GPC5: variants seen among roughly 807,000 people sequenced by gnomAD.
GPC5 encodes the protein glypican 5.
GPC5 carries 47 observed loss-of-function variants against 53.9 expected under a neutral mutation model. The ratio of observed to expected loss-of-function variants is 0.87; its 90% CI spans 0.69 to 1.11. The LOEUF is 1.11. Among genes scored for constraint, GPC5 ranks in the 50% most tolerant of loss-of-function variants. The probability of loss-of-function intolerance (pLI) is 0.00; values close to 1 mark genes in which losing one functional copy is unlikely to be tolerated. For synonymous variants in GPC5, 286 were observed against 263.3 expected (o/e 1.09, Z -0.84); for missense variants, 748 against 713.1 (o/e 1.05, Z -0.56).
At chr13:92,059,240 GCAGCACA>G in intron 6 of GPC5, among the ~76,000 whole-genome samples, 18 of 151,468 alleles carry the variant, frequency 1.2e-4, no homozygotes, top group African/African-American at 4.2e-4. Context: ...TCTCAACAAT[GCAGCACA>G]CATCTGGAGG....
intron 7 of GPC5, among the ~76,000 whole-genome samples, chr13:92,766,247 T>G (rs1327320376): frequency 6.6e-6 from 1 of 152,136 alleles, no homozygotes; most frequent in East Asian, 1.9e-4. Flanking sequence ...GAACTCAAAT[T>G]GCAAAATCCT....
At chr13:92,218,517 G>A (rs1253328865) in intron 7 of GPC5, among the ~76,000 whole-genome samples, 6 of 152,080 alleles carry the variant, frequency 3.9e-5, no homozygotes, top group Non-Finnish European at 8.8e-5. Context: ...TCAGAAATGT[G>A]CTCCAGAGAA....
At chr13:92,775,592 C>T (rs1400233704) in intron 7 of GPC5, among the ~76,000 whole-genome samples, 4 of 152,108 alleles carry the variant, frequency 2.6e-5, no homozygotes, top group Non-Finnish European at 5.9e-5. Context: ...ACTGATCATA[C>T]CTTAGTTAAG....
At chr13:92,052,113 ATC>A (rs1327277769) in intron 6 of GPC5, among the ~76,000 whole-genome samples, 1 of 152,234 alleles carries the variant, frequency 6.6e-6, no homozygotes, top group African/African-American at 2.4e-5. Context: ...CATAAGTGAC[ATC>A]CCATTAAAAT....
At chr13:92,348,563 T>C (rs1003312500) in intron 7 of GPC5, among the ~76,000 whole-genome samples, 7 of 152,114 alleles carry the variant, frequency 4.6e-5, no homozygotes, top group African/African-American at 1.7e-4. Flanking sequence ...ATGAACAACA[T>C]ATTAGATCAA....
At chr13:92,188,075 C>T (rs898569168) in intron 7 of GPC5, among the ~76,000 whole-genome samples, 1 of 152,072 alleles carries the variant, frequency 6.6e-6, no homozygotes, top group Admixed American at 6.5e-5. Flanking sequence ...CTCCTAGTCC[C>T]ACCTCAGTCT....
chr13:92,278,428 A>T (rs2042890984), intron 7 of GPC5, among the ~76,000 whole-genome samples: 1 of 152,080 alleles, frequency 6.6e-6, no homozygotes, highest in Non-Finnish European at 1.5e-5. Flanking sequence ...AAAATAAATT[A>T]AAAATATTAC....
intron 6 of GPC5, among the ~76,000 whole-genome samples, chr13:92,020,920 A>C (rs912465783): frequency 6.6e-6 from 1 of 152,094 alleles, no homozygotes; most frequent in South Asian, 2.1e-4. Flanking sequence ...GACCGATGGC[A>C]TGAAGATTTT....
At chr13:92,564,008 G>A (rs1882786946) in intron 7 of GPC5, among the ~76,000 whole-genome samples, 1 of 151,690 alleles carries the variant, frequency 6.6e-6, no homozygotes, top group African/African-American at 2.4e-5. Flanking sequence ...TAGAAAAAGA[G>A]GAATTATGAT....
At chr13:92,745,385 A>C (rs1225613062) in intron 7 of GPC5, among the ~76,000 whole-genome samples, 1 of 152,102 alleles carries the variant, frequency 6.6e-6, no homozygotes, top group African/African-American at 2.4e-5. Flanking sequence ...ACATCTAAAC[A>C]ATTTTTTTGA....
chr13:92,061,892 T>A (rs2041127042), intron 6 of GPC5, among the ~76,000 whole-genome samples: 1 of 152,052 alleles, frequency 6.6e-6, no homozygotes, highest in Non-Finnish European at 1.5e-5. Flanking sequence ...AGGAAAAAAG[T>A]TTTTCTTAAG....
chr13:92,577,330 G>A (rs1196872287), intron 7 of GPC5, among the ~76,000 whole-genome samples: 3 of 152,044 alleles, frequency 2.0e-5, no homozygotes, highest in South Asian at 4.1e-4. Flanking sequence ...GCTATTAATA[G>A]CTACCATTTT....
intron 7 of GPC5, among the ~76,000 whole-genome samples, chr13:92,537,033 T>C (rs1452850545): frequency 2.6e-5 from 4 of 152,108 alleles, no homozygotes; most frequent in Non-Finnish European, 4.4e-5. Context: ...TTATATCTCC[T>C]TGTTTTTAGC....
chr13:92,816,079 G>C (rs1440514253), intron 7 of GPC5, among the ~76,000 whole-genome samples: 1 of 151,914 alleles, frequency 6.6e-6, no homozygotes, highest in Non-Finnish European at 1.5e-5. Context: ...GACCAGATGA[G>C]TTCAAGTCAT....
At chr13:91,519,692 G>A (rs1410194994) in intron 2 of GPC5, among the ~76,000 whole-genome samples, 1 of 152,112 alleles carries the variant, frequency 6.6e-6, no homozygotes, top group Admixed American at 6.5e-5. Flanking sequence ...AGCAGTGTGA[G>A]AATAGAATAA....
Position 92,178,709 on chromosome 13 carries a change from G to A in GPC5, c.1561+33720G>A, listed in dbSNP as rs139084882. 5.1e-3 allele frequency among the ~76,000 whole-genome samples: 776 copies of A among 152,160 alleles called. 8 individuals are homozygous for A. Among genetic ancestry groups the A allele is most frequent in the African/African-American group, 0.018 (744 of 41,506 alleles). On this transcript the variant is annotated intron_variant, in intron 7 of 7. Coordinates refer to ENST00000377067, the MANE Select transcript of GPC5 (RefSeq NM_004466.6). ...AAACTAGTTTAGCCTGGGCACGGTG[G>A]CTCACACCTGTAATCCCAGCACTTT...
intron 1 of GPC5, among the ~76,000 whole-genome samples, chr13:91,418,130 G>A (rs753245755): frequency 5.3e-5 from 8 of 152,002 alleles, no homozygotes; most frequent in African/African-American, 1.5e-4. Context: ...TTTAGTAGTC[G>A]CTGAGTTGTT....
rs182250280 is a variant in GPC5, at chr13:92,773,291, G to A, written c.1562-92991G>A. ...GTGAACTAATAATCTCATAATGGCA[G>A]GTGGAGGTGCTACTCTAGAAGCTCC... On this transcript the variant is annotated intron_variant, in intron 7 of 7. Transcript: ENST00000377067. Among the ~76,000 whole-genome samples the A allele has an allele frequency of 5.3e-5, 8 of 152,226 alleles. No individual in the cohort carries two copies. The East Asian group carries it at 1.5e-3, about 29-fold the overall frequency.
intron 7 of GPC5, among the ~76,000 whole-genome samples, chr13:92,251,333 G>A (rs1469444555): frequency 6.6e-6 from 1 of 151,976 alleles, no homozygotes; most frequent in Non-Finnish European, 1.5e-5. Context: ...GTTTTGCAGT[G>A]GGAAAAATTA....
Sources: gnomAD v4.1 joint callset for allele counts (sites outside exome capture counted in the v4.1 genomes callset) on GRCh38, gnomAD v4.1.1 for gene constraint, MANE v1.5 for transcripts, NCBI Gene and HGNC (gene_info 2026-07-23, HGNC 2026-07-21) for gene names.